Variants in RIMS2 observed in about 807,000 individuals in gnomAD.
RIMS2 encodes the protein regulating synaptic membrane exocytosis 2, also known as regulating synaptic membrane exocytosis protein 2.
Under a neutral mutation model 174.4 loss-of-function variants are expected in RIMS2, and 59 were observed. The observed-to-expected ratio is 0.34, with a 90% CI of 0.27 to 0.42. The LOEUF (loss-of-function observed/expected upper bound fraction) is 0.42, where lower values mean the gene tolerates loss of function less well. RIMS2 is among the 10% of genes least tolerant of loss of function. RIMS2 has a pLI of 1.00. For missense variants in RIMS2, 1,620 were observed against 1,666.3 expected, an observed-to-expected ratio of 0.97 and a Z score of 0.48; for synonymous variants, 606 against 572.5, an observed-to-expected ratio of 1.06 and a Z score of -0.84.
intron 19 of RIMS2, among the ~76,000 whole-genome samples, chr8:104,109,100 A>G (rs1057362827): frequency 1.3e-5 from 2 of 151,924 alleles, no homozygotes; most frequent in African/African-American, 4.8e-5. Flanking sequence ...GATCGAGACC[A>G]TCTTGGCTAA....
intron 19 of RIMS2, among the ~76,000 whole-genome samples, chr8:104,202,532 T>C (rs1218856611): frequency 6.6e-6 from 1 of 152,226 alleles, no homozygotes; most frequent in Non-Finnish European, 1.5e-5. Flanking sequence ...TTTAATTTTC[T>C]CATAGTTCTT....
intron 19 of RIMS2, among the ~76,000 whole-genome samples, chr8:104,056,771 G>C (rs967946280): frequency 3.3e-5 from 5 of 151,986 alleles, no homozygotes; most frequent in African/African-American, 1.2e-4. Context: ...TGTGGTCTCA[G>C]CTACTTGCAA....
At chr8:103,568,950 A>G (rs902421719) in intron 1 of RIMS2, 5 of 734,296 alleles carry the variant, frequency 6.8e-6, no homozygotes, top group South Asian at 1.4e-5. Flanking sequence ...AAGCGAGTTC[A>G]TGGTGTCTTA....
intron 1 of RIMS2, among the ~76,000 whole-genome samples, chr8:103,574,086 T>C (rs79972158): frequency 2.0e-5 from 3 of 150,308 alleles, no homozygotes; most frequent in East Asian, 1.9e-4. Flanking sequence ...TTTTTTTTTT[T>C]CCTATCTAAA....
intron 1 of RIMS2, among the ~76,000 whole-genome samples, chr8:103,604,099 C>G (rs1407800837): frequency 2.0e-5 from 3 of 148,916 alleles, no homozygotes; most frequent in Non-Finnish European, 3.0e-5. Flanking sequence ...ATGGTAATGC[C>G]TAGGTTTTCT....
intron 19 of RIMS2, chr8:104,148,822 G>T (rs777254606): frequency 1.3e-6 from 2 of 1,598,334 alleles, no homozygotes; most frequent in Non-Finnish European, 1.7e-6. Context: ...CGGAAAAGTC[G>T]CAGTGCTTCT....
At chr8:103,946,711 A>G (rs1175470960) in intron 14 of RIMS2, among the ~76,000 whole-genome samples, 2 of 152,174 alleles carry the variant, frequency 1.3e-5, no homozygotes, top group African/African-American at 4.8e-5. Context: ...TACAGATTAA[A>G]CCCAATTCCT....
Position 103,961,052 on chromosome 8 carries a change from GTTTAC to G in RIMS2, c.2702-8_2702-4del, listed in dbSNP as rs751845886. 1.9e-5 allele frequency: 26 copies of G among 1,358,050 alleles called. No homozygotes were observed. Among genetic ancestry groups the G allele is most frequent in the East Asian group, 9.2e-5 (4 of 43,532 alleles). The allele number at this position is 1,358,050 out of a possible 1,614,324, so 84.1% of individuals were successfully genotyped here. A position where few individuals can be genotyped will look rare whatever the true frequency, so the allele number is the denominator to read the frequency against. ...ATCAGAATTTTTAATTATTGCTATTGTTTACTTTATAGGGTCAAAGAGAATAAGTG... is the reference window on the plus strand; with the variant it reads ...ATCAGAATTTTTAATTATTGCTATTGTTTATAGGGTCAAAGAGAATAAGTG... On this transcript the variant is annotated splice_region_variant and splice_polypyrimidine_tract_variant and intron_variant, in intron 14 of 23. Coordinates refer to ENST00000504942, the Ensembl canonical transcript of RIMS2.
At chr8:103,764,902 G>A (rs924411151) in intron 2 of RIMS2, among the ~76,000 whole-genome samples, 1 of 151,970 alleles carries the variant, frequency 6.6e-6, no homozygotes, top group East Asian at 1.9e-4. Flanking sequence ...GGGGAGAAAA[G>A]AAATGTATAT....
intron 1 of RIMS2, among the ~76,000 whole-genome samples, chr8:103,608,302 A>G (rs2095220978): frequency 7.0e-6 from 1 of 143,294 alleles, no homozygotes; most frequent in Admixed American, 6.8e-5. Context: ...CCTCCCAGTT[A>G]GGCTGCTCGG....
intron 19 of RIMS2, among the ~76,000 whole-genome samples, chr8:104,097,403 C>T (rs948966743): frequency 7.9e-4 from 120 of 152,246 alleles, no homozygotes; most frequent in African/African-American, 2.3e-3. Context: ...CTCATGTGCA[C>T]AGTCTGTGGT....
chr8:104,027,394 C>G (rs1016723666), intron 19 of RIMS2, among the ~76,000 whole-genome samples: 2 of 152,024 alleles, frequency 1.3e-5, no homozygotes, highest in Non-Finnish European at 2.9e-5. Flanking sequence ...CATCTTATTT[C>G]TTCTATGCTT....
intron 15 of RIMS2, among the ~76,000 whole-genome samples, chr8:103,963,438 T>C (rs899502225): frequency 4.6e-5 from 7 of 152,218 alleles, no homozygotes; most frequent in Non-Finnish European, 7.3e-5. Context: ...AAAACTGTTC[T>C]TAAGTAGGAA....
intron 15 of RIMS2, among the ~76,000 whole-genome samples, chr8:103,970,450 T>C (rs2092735846): frequency 6.6e-6 from 1 of 152,160 alleles, no homozygotes; most frequent in South Asian, 2.1e-4. Context: ...TGTTTCCCTC[T>C]CCCTCTTGGA....
intron 2 of RIMS2, among the ~76,000 whole-genome samples, chr8:103,726,096 T>C (rs534938838): frequency 7.9e-5 from 12 of 152,172 alleles, no homozygotes; most frequent in Non-Finnish European, 1.6e-4. Flanking sequence ...CTTATGATGG[T>C]TTGACTTATA....
At chr8:103,936,651 G>A in exon 13 of RIMS2, 1 of 1,612,308 alleles carries the variant, frequency 6.2e-7, no homozygotes, top group Non-Finnish European at 8.5e-7. Context: ...AGAATTTCGG[G>A]AACGAATGCT....
At chr8:103,614,941 T>C (rs10955321) in intron 1 of RIMS2, among the ~76,000 whole-genome samples, 18,871 of 152,244 alleles carry the variant, frequency 0.12, 1,270 homozygotes, top group Middle Eastern at 0.22. Flanking sequence ...CTTTTGACTT[T>C]ACAGTTGAAT....
intron 19 of RIMS2, among the ~76,000 whole-genome samples, chr8:104,131,045 AG>A (rs2098469948): frequency 6.6e-6 from 1 of 152,202 alleles, no homozygotes; most frequent in South Asian, 2.1e-4. Context: ...CTATAGATGA[AG>A]GAGTCATTAA....
intron 19 of RIMS2, among the ~76,000 whole-genome samples, chr8:104,121,182 C>T (rs1401846795): frequency 1.3e-5 from 2 of 152,066 alleles, no homozygotes. Context: ...CAGTTATAAT[C>T]ACTGCTATTA....
Sources: gnomAD v4.1 joint callset for allele counts (sites outside exome capture counted in the v4.1 genomes callset) on GRCh38, gnomAD v4.1.1 for gene constraint, MANE v1.5 for transcripts, NCBI Gene and HGNC (gene_info 2026-07-23, HGNC 2026-07-21) for gene names.